HSPBAP1: variants seen among roughly 807,000 people sequenced by gnomAD.
HSPBAP1 encodes HSPB1-associated protein 1.
HSPBAP1 carries 27 observed loss-of-function variants against 45.2 expected under a neutral mutation model. The observed-to-expected ratio is 0.60, with a 90% confidence interval of 0.44 to 0.82. The LOEUF (loss-of-function observed/expected upper bound fraction) is 0.82. Ranked by LOEUF, HSPBAP1 falls within the 40% of genes least tolerant of loss-of-function variation. HSPBAP1 has a pLI of 0.00. For synonymous variants in HSPBAP1, 204 were observed against 202.7 expected, an observed-to-expected ratio of 1.01 and a Z score of -0.06; for missense variants, 510 against 590.9, an observed-to-expected ratio of 0.86 and a Z score of 1.42.
chr3:122,749,626 T>C (rs1208685951), intron 6 of HSPBAP1, among the ~76,000 whole-genome samples: 1 of 152,230 alleles, frequency 6.6e-6, no homozygotes, highest in Non-Finnish European at 1.5e-5. Flanking sequence ...TTTTCTTTTT[T>C]TGAGATGGAG....
chr3:122,749,535 G>T (rs1418010193), intron 6 of HSPBAP1, among the ~76,000 whole-genome samples: 9 of 152,134 alleles, frequency 5.9e-5, no homozygotes, highest in Admixed American at 4.6e-4. Context: ...GAATTGCAAA[G>T]AAATCTTAAT....
At chr3:122,745,053 C>T (rs1933798657) in intron 6 of HSPBAP1, among the ~76,000 whole-genome samples, 2 of 151,800 alleles carry the variant, frequency 1.3e-5, no homozygotes, top group Non-Finnish European at 2.9e-5. Context: ...TATGATAAAA[C>T]ACATACAACT....
chr3:122,783,307 C>T (rs930225326), intron 1 of HSPBAP1, among the ~76,000 whole-genome samples: 2 of 152,206 alleles, frequency 1.3e-5, no homozygotes, highest in Non-Finnish European at 2.9e-5. Context: ...TTCATCCTTC[C>T]ATACAGGCCT....
At chr3:122,757,996 T>A (rs1039845334) in intron 4 of HSPBAP1, among the ~76,000 whole-genome samples, 1 of 152,232 alleles carries the variant, frequency 6.6e-6, no homozygotes, top group African/African-American at 2.4e-5. Flanking sequence ...TGCCCTTTAA[T>A]AAAGACGGAA....
In HSPBAP1 at chr3:122,740,507, T is replaced by C; in HGVS notation, c.1305A>G (p.Gln435=). 1.2e-6 allele frequency: 2 copies of C among 1,614,222 alleles called. No individual in the cohort carries two copies. The highest frequency in any genetic ancestry group is 1.7e-6 in the Non-Finnish European group (2 of 1,180,050). Residue 435 remains glutamine, a synonymous_variant, in exon 8 of 8, where the codon CAA becomes CAG. Transcript: ENST00000306103. ...FGKLHCAKRQ[Q]IMSNSENAIE... ...TTGCATTTTCACTGTTGCTCATTAT[T>C]TGTTGTCTCTTGGCACAATGCAATT...
chr3:122,791,099 T>C (rs1935814207), intron 1 of HSPBAP1, among the ~76,000 whole-genome samples: 1 of 152,200 alleles, frequency 6.6e-6, no homozygotes, highest in African/African-American at 2.4e-5. Flanking sequence ...ACTCTAATCT[T>C]CACAATAATC....
intron 3 of HSPBAP1, 55 bp from the exon 4 acceptor site, chr3:122,759,415 T>C (rs1934490400): frequency 1.9e-6 from 3 of 1,544,086 alleles, no homozygotes; most frequent in Middle Eastern, 1.7e-4. Flanking sequence ...CTCTGTATGG[T>C]AATGCTGCCC....
At chr3:122,748,348 C>A (rs1458741785) in intron 6 of HSPBAP1, among the ~76,000 whole-genome samples, 1 of 151,540 alleles carries the variant, frequency 6.6e-6, no homozygotes, top group Non-Finnish European at 1.5e-5. Context: ...GCCAAATCCC[C>A]CTCTGTGAGA....
At chr3:122,771,433 C>A (rs1934993451) in intron 2 of HSPBAP1, among the ~76,000 whole-genome samples, 1 of 152,168 alleles carries the variant, frequency 6.6e-6, no homozygotes. Context: ...AGAAGCTCAA[C>A]TGAGGTCAGG....
At chr3:122,790,966 T>C (rs1273229311) in intron 1 of HSPBAP1, among the ~76,000 whole-genome samples, 1 of 152,218 alleles carries the variant, frequency 6.6e-6, no homozygotes, top group Non-Finnish European at 1.5e-5. Context: ...ATCTCTAATT[T>C]CTTTTCTTTC....
intron 6 of HSPBAP1, among the ~76,000 whole-genome samples, chr3:122,746,854 T>G (rs991974864): frequency 1.3e-5 from 2 of 152,090 alleles, no homozygotes; most frequent in African/African-American, 4.8e-5. Context: ...GGGGTTTCAC[T>G]GTGTTGGCCG....
chr3:122,785,248 G>A (rs974541645), intron 1 of HSPBAP1, among the ~76,000 whole-genome samples: 10 of 152,334 alleles, frequency 6.6e-5, no homozygotes, highest in African/African-American at 2.2e-4. Context: ...GTGCACTCAT[G>A]GCAGGGAGTG....
intron 3 of HSPBAP1, among the ~76,000 whole-genome samples, chr3:122,763,873 T>A (rs1321886832): frequency 6.6e-6 from 1 of 152,270 alleles, no homozygotes; most frequent in Non-Finnish European, 1.5e-5. Context: ...GTATGGCTGA[T>A]GCCGCCTGTC....
chr3:122,752,225 G>C (rs1042779256), intron 6 of HSPBAP1, among the ~76,000 whole-genome samples: 3 of 152,186 alleles, frequency 2.0e-5, no homozygotes, highest in Non-Finnish European at 4.4e-5. Context: ...CCAAGAAGCA[G>C]GTATTTCCAG....
intron 6 of HSPBAP1, among the ~76,000 whole-genome samples, chr3:122,743,056 TA>T (rs1174785055): frequency 6.6e-6 from 1 of 152,262 alleles, no homozygotes; most frequent in Non-Finnish European, 1.5e-5. Context: ...TACAGTCAGA[TA>T]ACCAGATACA....
Position 122,740,618 on chromosome 3 carries a change from C to T in HSPBAP1, c.1194G>A (p.Arg398=), listed in dbSNP as rs1369163932. The T allele has an allele frequency of 1.9e-6, 3 of 1,614,024 alleles. No homozygotes were observed. Among genetic ancestry groups the T allele is most frequent in the Non-Finnish European group, 2.5e-6 (3 of 1,180,020 alleles). ...CTCTTTCTGAAGGCGGTTCTTCGGA[C>T]CTCTGTGCTACAGGGACCAGATCAG... ...FGPDLVPVAQ[R]SEEPPSERGG... Residue 398 remains arginine (R), a synonymous_variant, in exon 8 of 8, where the codon AGG becomes AGA. Transcript: ENST00000306103.
chr3:122,753,088 G>T, intron 5 of HSPBAP1: 1 of 608,608 alleles, frequency 1.6e-6, no homozygotes, highest in Non-Finnish European at 2.1e-6. Context: ...AGAAGATAAA[G>T]TATAGAAAGG....
intron 5 of HSPBAP1, chr3:122,754,541 G>A: frequency 2.2e-5 from 22 of 985,226 alleles, no homozygotes; most frequent in Non-Finnish European, 2.7e-5. Flanking sequence ...TGTTTGAGTT[G>A]ATAGTACTTG....
At chr3:122,747,404 G>A (rs1463007102) in intron 6 of HSPBAP1, among the ~76,000 whole-genome samples, 4 of 151,648 alleles carry the variant, frequency 2.6e-5, no homozygotes, top group African/African-American at 9.7e-5. Context: ...GAGAAATGAG[G>A]AGCCCCTCCG....
Sources: allele counts gnomAD v4.1 joint callset (sites outside exome capture counted in the v4.1 genomes callset), GRCh38; gene constraint gnomAD v4.1.1; transcripts MANE v1.5; gene names NCBI Gene and HGNC (gene_info 2026-07-23, HGNC 2026-07-21).